KCNMB2: variants seen among roughly 807,000 people sequenced by gnomAD.
The protein encoded by KCNMB2 is potassium calcium-activated channel subfamily M regulatory beta subunit 2.
In KCNMB2, 9 loss-of-function variants were observed where a neutral mutation model predicts 24.5. The observed-to-expected ratio is 0.37, with a 90% confidence interval of 0.22 to 0.64. The LOEUF (loss-of-function observed/expected upper bound fraction) is 0.64, where lower values mean the gene tolerates loss of function less well. Among genes scored for constraint, KCNMB2 ranks in the 30% least tolerant of loss-of-function variants. The pLI, the probability that KCNMB2 is intolerant of heterozygous loss-of-function variation, is 0.63. For synonymous variants in KCNMB2, 109 were observed against 104.4 expected, an observed-to-expected ratio of 1.04 and a Z score of -0.27; for missense variants, 226 against 284.3, an observed-to-expected ratio of 0.79 and a Z score of 1.47.
At chr3:178,564,525 G>A (rs984725504) in intron 1 of KCNMB2, among the ~76,000 whole-genome samples, 3 of 152,180 alleles carry the variant, frequency 2.0e-5, no homozygotes, top group Admixed American at 1.3e-4. Flanking sequence ...TAGTTGGAAA[G>A]TAAACAGATG....
At chr3:178,758,129 CACA>C (rs1724247025) in intron 1 of KCNMB2, among the ~76,000 whole-genome samples, 1 of 29,990 alleles carries the variant, frequency 3.3e-5, no homozygotes, top group Non-Finnish European at 6.3e-5. Flanking sequence ...TATATATGTA[CACA>C]CAAGAGGATA....
At chr3:178,751,522 C>T (rs527371337) in intron 1 of KCNMB2, among the ~76,000 whole-genome samples, 13 of 130,558 alleles carry the variant, frequency 1.0e-4, no homozygotes, top group African/African-American at 3.5e-4. Context: ...TGCAGTGAGC[C>T]GAGATCATGC....
intron 1 of KCNMB2, among the ~76,000 whole-genome samples, chr3:178,752,354 G>A (rs1435101885): frequency 3.3e-5 from 5 of 152,100 alleles, no homozygotes. Context: ...AAGAATGTAG[G>A]GCATTTGTCC....
intron 1 of KCNMB2, among the ~76,000 whole-genome samples, chr3:178,778,460 A>ACACGCACGCACGTGCGCGCGCGCGCG (rs879860042): frequency 2.7e-4 from 13 of 48,006 alleles, no homozygotes; most frequent in South Asian, 7.2e-4. Context: ...TTTAAGACAC[A>ACACGCACGCACGTGCGCGCGCGCGCG]CACACACACA....
chr3:178,668,300 G>A (rs1306546934), intron 1 of KCNMB2, among the ~76,000 whole-genome samples: 1 of 152,134 alleles, frequency 6.6e-6, no homozygotes, highest in Non-Finnish European at 1.5e-5. Flanking sequence ...CCAAGGCACA[G>A]AAGGGTCCAC....
chr3:178,555,283 T>G (rs1158581785), intron 1 of KCNMB2, among the ~76,000 whole-genome samples: 1 of 152,242 alleles, frequency 6.6e-6, no homozygotes, highest in Non-Finnish European at 1.5e-5. Context: ...TTCTTCCCTG[T>G]GCCGCCAGCT....
At chr3:178,759,343 G>A (rs1245341996) in intron 1 of KCNMB2, among the ~76,000 whole-genome samples, 3 of 47,686 alleles carry the variant, frequency 6.3e-5, no homozygotes, top group African/African-American at 3.9e-4. Context: ...ATCTCCAAGA[G>A]GATATATATA....
intron 1 of KCNMB2, among the ~76,000 whole-genome samples, chr3:178,759,207 TATATA>T (rs1382462496): frequency 1.7e-5 from 2 of 118,228 alleles, no homozygotes; most frequent in African/African-American, 3.3e-5. Context: ...GGGATATATA[TATATA>T]ATATATCTAT....
chr3:178,680,572 G>A (rs2108593662), intron 1 of KCNMB2, among the ~76,000 whole-genome samples: 1 of 152,182 alleles, frequency 6.6e-6, no homozygotes, highest in East Asian at 1.9e-4. Context: ...ACTCCAATGT[G>A]AGGAATTTCT....
rs113624599 is a variant in KCNMB2, at chr3:178,722,614, C to T, written c.-67-84729C>T. Among the ~76,000 whole-genome samples, 865 of 152,248 alleles carry T rather than the reference C, an allele frequency of 5.7e-3. 6 individuals are homozygous for T. The highest frequency in any genetic ancestry group is 0.013 in the African/African-American group (551 of 41,540). On this transcript the variant is annotated intron_variant, in intron 1 of 4. Coordinates refer to ENST00000452583, the MANE Select transcript of KCNMB2 (RefSeq NM_181361.3). ...CACCTCTAAATGGTCCCACCTTTGG[C>T]GGGGCACGGTGACATATGCCTGTAA...
At chr3:178,568,285 G>T (rs9881434) in intron 1 of KCNMB2, among the ~76,000 whole-genome samples, 5 of 151,902 alleles carry the variant, frequency 3.3e-5, no homozygotes, top group Non-Finnish European at 7.4e-5. Context: ...GTTCATAAAC[G>T]TCTCAGACTT....
intron 2 of KCNMB2, among the ~76,000 whole-genome samples, chr3:178,810,003 T>A (rs1035759853): frequency 6.6e-6 from 1 of 150,700 alleles, no homozygotes; most frequent in Admixed American, 6.7e-5. Context: ...ATGTTGGAAG[T>A]TAATTTGTCT....
intron 1 of KCNMB2, among the ~76,000 whole-genome samples, chr3:178,593,083 T>C (rs1717736440): frequency 6.6e-6 from 1 of 152,020 alleles, no homozygotes; most frequent in South Asian, 2.1e-4. Context: ...ATAATCTCTA[T>C]GGGTCCTGCC....
intron 4 of KCNMB2, among the ~76,000 whole-genome samples, chr3:178,830,471 C>A (rs1715012739): frequency 6.6e-6 from 1 of 152,060 alleles, no homozygotes; most frequent in Non-Finnish European, 1.5e-5. Context: ...CGGGTATAAA[C>A]CTGGGAATGG....
intron 1 of KCNMB2, among the ~76,000 whole-genome samples, chr3:178,782,009 C>A (rs1305113471): frequency 4.1e-5 from 5 of 122,142 alleles, no homozygotes; most frequent in African/African-American, 1.6e-4. Context: ...TCTCATTGTT[C>A]AATTCCCACC....
chr3:178,836,321 GA>G (rs142795015), intron 4 of KCNMB2, among the ~76,000 whole-genome samples: 30 of 151,562 alleles, frequency 2.0e-4, no homozygotes, highest in African/African-American at 7.0e-4. Context: ...AGAGGCTAAG[GA>G]AAAAAAAATT....
intron 4 of KCNMB2, among the ~76,000 whole-genome samples, chr3:178,835,627 T>C (rs973079813): frequency 3.3e-5 from 5 of 152,328 alleles, no homozygotes; most frequent in African/African-American, 4.8e-5. Flanking sequence ...ATATTCATTG[T>C]TTGGGAACAC....
chr3:178,646,657 G>A (rs1254051941), intron 1 of KCNMB2, among the ~76,000 whole-genome samples: 1 of 152,220 alleles, frequency 6.6e-6, no homozygotes, highest in Non-Finnish European at 1.5e-5. Context: ...TAGGACTACA[G>A]AAGACAGGGT....
At chr3:178,611,419 C>T (rs1274714442) in intron 1 of KCNMB2, among the ~76,000 whole-genome samples, 4 of 152,002 alleles carry the variant, frequency 2.6e-5, no homozygotes, top group Non-Finnish European at 1.5e-5. Context: ...CAAAAAAAAC[C>T]CCAGGCCAGG....
Sources: allele counts gnomAD v4.1 joint callset (sites outside exome capture counted in the v4.1 genomes callset), GRCh38; gene constraint gnomAD v4.1.1; transcripts MANE v1.5; gene names NCBI Gene and HGNC (gene_info 2026-07-23, HGNC 2026-07-21).